CAPN15: variants seen among roughly 807,000 people sequenced by gnomAD.
The protein encoded by CAPN15 is calpain-15.
In CAPN15, 53 loss-of-function variants were observed where a neutral mutation model predicts 97.9. That is an observed-to-expected ratio of 0.54 (90% CI 0.43 to 0.68). CAPN15 has a LOEUF of 0.68. Ranked by LOEUF, CAPN15 falls within the 30% of genes least tolerant of loss-of-function variation. The pLI is 0.00. For synonymous variants in CAPN15, 922 were observed against 722.5 expected (o/e 1.28, Z -4.43); for missense variants, 1,592 against 1,589.8 (o/e 1.00, Z -0.02).
Position 552,255 on chromosome 16 carries a change from G to GGCGGCCGTGACCA in CAPN15, c.2507+44_2508-33dup, listed in dbSNP as rs2035141722. On this transcript the variant is annotated intron_variant, in intron 10 of 13. Transcript: ENST00000219611. This position sits in a 1 kb window ranked among gnomAD's most constrained non-coding sequence, Gnocchi z 6.4. ...CCATCGGGCTGGGCTGGGCTAGGCTGGCGGCCGTGACCACGCGTGACCCTG... is the reference window on the plus strand; with the variant it reads ...CCATCGGGCTGGGCTGGGCTAGGCTGGCGGCCGTGACCAGCGGCCGTGACCACGCGTGACCCTG... The GGCGGCCGTGACCA allele has an allele frequency of 2.0e-6, 3 of 1,535,074 alleles. No homozygotes were observed. Among genetic ancestry groups the GGCGGCCGTGACCA allele is most frequent in the Non-Finnish European group, 2.6e-6 (3 of 1,140,138 alleles).
In CAPN15 at chr16:535,907, G is replaced by A. The variant is rs1444253895; in HGVS notation, c.-136-122G>A. The A allele has an allele frequency of 5.9e-6, 1 of 169,916 alleles. No homozygotes were observed. Among genetic ancestry groups the A allele is most frequent in the Admixed American group, 6.5e-5 (1 of 15,316 alleles). The allele number at this position is 169,916 out of a possible 1,614,324, so 10.5% of individuals were successfully genotyped here. A position where few individuals can be genotyped will look rare whatever the true frequency, so the allele number is the denominator to read the frequency against. On this transcript the variant is annotated intron_variant, in intron 2 of 13. Transcript: ENST00000219611. This position sits in a 1 kb window ranked among gnomAD's most constrained non-coding sequence, Gnocchi z 6.2. ...GCAGCGGCCCAGGGCATGTCCCTGG[G>A]GTCAGGGGTCAGAGTTCGGCATGCT...
At chr16:529,532 C>T (rs941126455) in intron 1 of CAPN15, among the ~76,000 whole-genome samples, 1 of 152,196 alleles carries the variant, frequency 6.6e-6, no homozygotes, top group African/African-American at 2.4e-5. Flanking sequence ...CCAGTTCACA[C>T]GAGGCAATTG....
chr16:549,230 G>GGGGGGA, intron 5 of CAPN15, 29 bp downstream of exon 5: 1 of 1,514,748 alleles, frequency 6.6e-7, no homozygotes. Flanking sequence ...CCGGGGTGGG[G>GGGGGGA]CGGGTGGGCG....
chr16:531,815 C>G (rs2033285411), intron 1 of CAPN15, among the ~76,000 whole-genome samples: 3 of 152,212 alleles, frequency 2.0e-5, no homozygotes, highest in Admixed American at 2.0e-4. Context: ...GTCCCAGAGG[C>G]TTCTGCTTGG....
Position 553,541 on chromosome 16 carries a change from T to C in CAPN15, c.*25T>C, listed in dbSNP as rs375077512. ...ACCACCATGCCTGGGGCAGGGGCTG[T>C]GCACAGACGGACCCCCCACCCCCAC... On this transcript the variant is annotated 3_prime_UTR_variant, in exon 14 of 14. Transcript: ENST00000219611. 5 of 1,540,644 alleles carry C rather than the reference T, an allele frequency of 3.2e-6. No homozygotes were observed. The highest frequency in any genetic ancestry group is 3.5e-6 in the Non-Finnish European group (4 of 1,129,350).
chr16:550,744 G>GC (rs2034950523), intron 7 of CAPN15, among the ~76,000 whole-genome samples: 1 of 142,418 alleles, frequency 7.0e-6, no homozygotes, highest in Admixed American at 7.0e-5. Flanking sequence ...GTCGGTGAGG[G>GC]TCCCGGTCGG....
At chr16:538,770 T>C in intron 3 of CAPN15, 1 of 152,280 alleles carries the variant, frequency 6.6e-6, no homozygotes, top group Non-Finnish European at 1.5e-5. Flanking sequence ...GCCTCAGAGC[T>C]GCAGGCCCCT....
At chr16:549,924 A>T in intron 7 of CAPN15, 86 bp downstream of exon 7, 4 of 1,158,538 alleles carry the variant, frequency 3.5e-6, no homozygotes, top group Non-Finnish European at 5.0e-6. Context: ...GTGGCCCCTG[A>T]CCCAGTTCTG....
chr16:552,117 C>T lies in CAPN15; in HGVS notation c.2412C>T (p.Cys804=). The change falls in exon 10 of 14, where the codon TGC becomes TGT. Residue 804 remains cysteine (C), a synonymous_variant. Coordinates refer to ENST00000219611, the MANE Select transcript of CAPN15 (RefSeq NM_005632.3). This position sits in a 1 kb window ranked among gnomAD's most constrained non-coding sequence, Gnocchi z 6.4. ...GGCAGGAGGCGCGGGTGCAGGGCTG[C>T]TTTCCCAGCTCGGCCAGCGCGCCCG... ...SDWQEARVQG[C]FPSSASAPVG... is the part of the protein sequence containing the mutation. 6.5e-7 allele frequency: 1 copy of T among 1,548,634 alleles called. No individual in the cohort carries two copies. Among genetic ancestry groups the T allele is most frequent in the Non-Finnish European group, 8.7e-7 (1 of 1,146,670 alleles).
At chr16:548,654 G>A (rs1414977673) in intron 4 of CAPN15, among the ~76,000 whole-genome samples, 1 of 152,246 alleles carries the variant, frequency 6.6e-6, no homozygotes, top group Admixed American at 6.5e-5. Context: ...GCCCTCTAGA[G>A]TCCAGGATGG....
At position 547,838 on chromosome 16, in the gene CAPN15, GCCAGCCCCT is replaced by G. The variant is rs777690667; in HGVS notation, c.1009_1017del (p.Ser337_Pro339del). The G allele has an allele frequency of 1.4e-4, 227 of 1,610,462 alleles. No individual in the cohort carries two copies. The highest frequency in any genetic ancestry group is 3.5e-4 in the Admixed American group (21 of 59,812). The stretch of plus-strand genomic sequence containing the variant: ...CGGAGACACCGTGCGTTACACGCCC[GCCAGCCCCT>G]CCAGCCCCGACTTCACCACCTGGTC... On this transcript the variant is annotated inframe_deletion, in exon 4 of 14. Coordinates refer to ENST00000219611, the MANE Select transcript of CAPN15 (RefSeq NM_005632.3).
intron 1 of CAPN15, among the ~76,000 whole-genome samples, chr16:532,519 C>T (rs2033341073): frequency 6.6e-6 from 1 of 150,400 alleles, no homozygotes; most frequent in African/African-American, 2.5e-5. Context: ...GGCACCACTG[C>T]ACTCCAGCCT....
chr16:537,109 C>T (rs771986044), intron 3 of CAPN15: 52 of 984,226 alleles, frequency 5.3e-5, no homozygotes, highest in Non-Finnish European at 5.7e-5. Flanking sequence ...GCCTCTGTGA[C>T]AGGGACGTTT....
chr16:549,231 C>CGGGT (rs1659926697), intron 5 of CAPN15, 30 bp downstream of exon 5: 2 of 62,836 alleles, frequency 3.2e-5, no homozygotes, highest in Non-Finnish European at 4.4e-5. Context: ...CGGGGTGGGG[C>CGGGT]GGGTGGGCGG....
rs556023435 is a variant in CAPN15 at position 553,235 on chromosome 16, G to A, written c.3084-104G>A. The A allele has an allele frequency of 7.5e-6, 5 of 667,158 alleles. No homozygotes were observed. The African/African-American group carries it at 8.8e-5, about 12-fold the overall frequency. 41.3% of individuals were successfully genotyped at this position (667,158 alleles called of 1,614,324 possible). ...TACCCCTGCCCCCACCCCTGTACGG[G>A]TGTTTGTCACCCCACTCCTGCTCCT... On this transcript the variant is annotated intron_variant, in intron 13 of 13. Transcript: ENST00000219611.
intron 3 of CAPN15, chr16:540,382 G>A (rs1445538039): frequency 4.1e-6 from 4 of 984,386 alleles, no homozygotes; most frequent in Non-Finnish European, 4.8e-6. Context: ...GTAAGAGGTG[G>A]GGAGGGGTGG....
At position 549,762 on chromosome 16, in the gene CAPN15, A is replaced by G; in HGVS notation, c.1990A>G (p.Ser664Gly). 1 of 1,592,440 alleles carries G rather than the reference A, an allele frequency of 6.3e-7. No individual in the cohort carries two copies. Among genetic ancestry groups the G allele is most frequent in the African/African-American group, 1.3e-5 (1 of 74,362 alleles). ...APCESLALQL[S>G]STNPREEPVD... ...CTGTGAGAGCCTGGCGCTGCAGCTC[A>G]GCTCCACTAACCCCCGCGAGGAGCC... Residue 664 changes from serine to glycine, a missense_variant, in exon 7 of 14, where the codon AGC becomes GGC. By Grantham distance (56) the Ser-to-Gly change is moderately conservative. Coordinates refer to ENST00000219611, the MANE Select transcript of CAPN15 (RefSeq NM_005632.3).
chr16:551,262 G>T (rs1452021052), intron 7 of CAPN15, 40 bp from the exon 8 acceptor site: 2 of 1,538,066 alleles, frequency 1.3e-6, no homozygotes, highest in East Asian at 4.5e-5. Context: ...GTCCCCTGTC[G>T]GTGAGGGTCC....
At position 553,664 on chromosome 16, in the gene CAPN15, GC is replaced by G; in HGVS notation, c.*154del. On this transcript the variant is annotated 3_prime_UTR_variant, in exon 14 of 14. Coordinates refer to ENST00000219611, the MANE Select transcript of CAPN15 (RefSeq NM_005632.3). ...CAGCCCAGGGCTCAGCTTCCCATGG[GC>G]CCCCCGCCCCCCTCCTTCCCCTCCC... The G allele has an allele frequency of 3.9e-6, 2 of 519,192 alleles. No individual in the cohort carries two copies. The highest frequency in any genetic ancestry group is 3.4e-5 in the East Asian group (1 of 29,558). The allele number at this position is 519,192 out of a possible 1,614,324, so 32.2% of individuals were successfully genotyped here.
Sources: gnomAD v4.1 joint callset for allele counts (sites outside exome capture counted in the v4.1 genomes callset) on GRCh38, gnomAD v4.1.1 for gene constraint, Gnocchi (gnomAD v3.1) non-coding constraint, MANE v1.5 for transcripts, NCBI Gene and HGNC (gene_info 2026-07-23, HGNC 2026-07-21) for gene names.